Variants in PPP5C observed in about 807,000 individuals in gnomAD.
PPP5C encodes the protein serine/threonine-protein phosphatase 5.
In PPP5C, 21 loss-of-function variants were observed where a neutral mutation model predicts 66.7. The observed-to-expected ratio is 0.31, with a 90% CI of 0.22 to 0.45. The LOEUF is 0.45. PPP5C is among the 20% of genes least tolerant of loss of function. PPP5C has a pLI of 1.00. For synonymous variants in PPP5C, 246 were observed against 257.4 expected (o/e 0.96, Z 0.43); for missense variants, 464 against 675.9 (o/e 0.69, Z 3.48).
At chr19:46,384,984 T>C in intron 7 of PPP5C, 75 bp downstream of exon 7, 2 of 1,167,720 alleles carry the variant, frequency 1.7e-6, no homozygotes, top group East Asian at 4.7e-5. Context: ...AGGATAATAG[T>C]TGCAGCTGTA....
chr19:46,351,078 T>TG (rs1299181250), intron 1 of PPP5C, among the ~76,000 whole-genome samples: 1 of 152,000 alleles, frequency 6.6e-6, no homozygotes, highest in African/African-American at 2.4e-5. Context: ...TTCTGTAAAA[T>TG]GGGGGGTGGG....
chr19:46,362,318 A>G (rs915694134), intron 2 of PPP5C, among the ~76,000 whole-genome samples: 1 of 152,188 alleles, frequency 6.6e-6, no homozygotes, highest in African/African-American at 2.4e-5. Flanking sequence ...TTTCAATGGA[A>G]CAGGACATTT....
chr19:46,369,785 G>A (rs1172786802), intron 2 of PPP5C, among the ~76,000 whole-genome samples: 2 of 151,850 alleles, frequency 1.3e-5, no homozygotes, highest in African/African-American at 4.8e-5. Context: ...AATTAGCCAG[G>A]CGTGGTGGCA....
intron 9 of PPP5C, 42 bp downstream of exon 9, chr19:46,387,495 G>A (rs758809931): frequency 5.0e-6 from 8 of 1,613,868 alleles, no homozygotes; most frequent in Non-Finnish European, 5.9e-6. Context: ...GAAAGGGGCA[G>A]CCTGGGCTGA....
chr19:46,381,069 C>T (rs1972782712), intron 4 of PPP5C, among the ~76,000 whole-genome samples: 1 of 152,054 alleles, frequency 6.6e-6, no homozygotes, highest in Non-Finnish European at 1.5e-5. Flanking sequence ...ACGATTTTTC[C>T]TCTATGTATT....
chr19:46,386,125 A>C (rs537149935), intron 7 of PPP5C, among the ~76,000 whole-genome samples: 4 of 152,270 alleles, frequency 2.6e-5, no homozygotes, highest in African/African-American at 9.6e-5. Flanking sequence ...GGGTGTGGCC[A>C]GGAGCTGAGG....
intron 2 of PPP5C, among the ~76,000 whole-genome samples, chr19:46,366,039 C>G (rs142895383): frequency 5.9e-4 from 90 of 152,232 alleles, no homozygotes; most frequent in African/African-American, 2.1e-3. Flanking sequence ...AAGTCTAGAC[C>G]TCATCTGACA....
chr19:46,349,098 G>A lies in PPP5C; in HGVS notation c.121+1881G>A, dbSNP rs185870682. Among the ~76,000 whole-genome samples, 676 of 152,216 alleles carry A rather than the reference G, an allele frequency of 4.4e-3. 2 individuals carry two copies. The highest frequency in any genetic ancestry group is 7.0e-3 in the Non-Finnish European group (477 of 68,022). ...AAGACGAGAACGTGCACAGGAGTTC[G>A]AGACCAACCTGGCCAACATGGTGAA... On this transcript the variant is annotated intron_variant, in intron 1 of 12. Transcript: ENST00000012443.
Position 46,383,866 on chromosome 19 carries a change from G to C in PPP5C, c.786G>C (p.Glu262Asp), listed in dbSNP as rs1246923687. The C allele has an allele frequency of 6.2e-7, 1 of 1,612,408 alleles. No homozygotes were observed. Among genetic ancestry groups the C allele is most frequent in the South Asian group, 1.1e-5 (1 of 91,050 alleles). ...NIFELNGLPS[E>D]TNPYIFNGDF... ...TCGAGCTCAACGGTTTACCCTCGGA[G>C]ACCAACCCCTATGTATCCTTCTCAG... The change falls in exon 6 of 13, where the codon GAG becomes GAC. Residue 262 changes from glutamate (E) to aspartate (D), a missense_variant. By Grantham distance (45) the Glu-to-Asp change is conservative (BLOSUM62 2). Around this residue, in one of 2 missense-constraint regions of PPP5C, gnomAD observed 387 missense variants for 626.0 expected, o/e 0.62. Transcript: ENST00000012443. The surrounding 1 kb of genome is among the most constrained non-coding windows in gnomAD (Gnocchi z 5.0).
At position 46,388,480 on chromosome 19, in the gene PPP5C, G is replaced by GT. The variant is rs1972931486; in HGVS notation, c.1176+33dup. 6.2e-7 allele frequency: 1 copy of GT among 1,610,500 alleles called. No individual in the cohort carries two copies. Among genetic ancestry groups the GT allele is most frequent in the African/African-American group, 1.3e-5 (1 of 74,882 alleles). On this transcript the variant is annotated intron_variant, in intron 10 of 12. Coordinates refer to ENST00000012443, the MANE Select transcript of PPP5C (RefSeq NM_006247.4). This position sits in a 1 kb window ranked among gnomAD's most constrained non-coding sequence, Gnocchi z 4.9. Reference sequence around the variant, plus strand: ...CTAGGGTGGGGTGCAGGGCCGGCGGGTGTGGGCTGTGGCAGCAGGTGGAGG... The same window carrying GT: ...CTAGGGTGGGGTGCAGGGCCGGCGGGTTGTGGGCTGTGGCAGCAGGTGGAGG...
intron 7 of PPP5C, among the ~76,000 whole-genome samples, chr19:46,385,724 G>C (rs1438356063): frequency 1.3e-5 from 2 of 151,532 alleles, no homozygotes; most frequent in African/African-American, 4.9e-5. Flanking sequence ...ATGTTGCAAT[G>C]AGCCGAGATT....
chr19:46,368,111 A>G (rs1483855847), intron 2 of PPP5C, among the ~76,000 whole-genome samples: 1 of 152,224 alleles, frequency 6.6e-6, no homozygotes, highest in Non-Finnish European at 1.5e-5. Flanking sequence ...AAACAGCAGC[A>G]CATCCCTGGA....
In PPP5C at chr19:46,347,138, C is replaced by T. The variant is rs752059380; in HGVS notation, c.42C>T (p.Pro14=). 8.1e-6 allele frequency: 13 copies of T among 1,605,174 alleles called. No individual in the cohort carries two copies. In the East Asian group the frequency reaches 2.7e-4, roughly 33 times the overall value. ...GCGAGAGGACTGAGTGTGCTGAGCC[C>T]CCCCGGGACGAACCCCCGGCTGATG... The part of the protein sequence containing the change: ...AEGERTECAE[P]PRDEPPADGA... The change falls in exon 1 of 13, where the codon CCC becomes CCT. Residue 14 remains proline (P), a synonymous_variant. Coordinates refer to ENST00000012443, the MANE Select transcript of PPP5C (RefSeq NM_006247.4).
At chr19:46,355,277 C>T (rs986373339) in intron 2 of PPP5C, among the ~76,000 whole-genome samples, 1 of 141,746 alleles carries the variant, frequency 7.1e-6, no homozygotes, top group Admixed American at 7.0e-5. Flanking sequence ...GTTATCCTGC[C>T]CCCCGACACA....
intron 1 of PPP5C, 63 bp downstream of exon 1, chr19:46,347,280 G>C (rs1972099340): frequency 6.6e-7 from 1 of 1,516,476 alleles, no homozygotes; most frequent in Non-Finnish European, 8.8e-7. Flanking sequence ...GGCCCGCGCG[G>C]AACCATAGCA....
chr19:46,369,926 G>GA (rs58057964), intron 2 of PPP5C, among the ~76,000 whole-genome samples: 14 of 144,054 alleles, frequency 9.7e-5, no homozygotes, highest in Middle Eastern at 3.6e-3. Context: ...ACTCCGTCTG[G>GA]AAAAAAAAAA....
chr19:46,390,466 A>G lies in PPP5C; in HGVS notation c.*120A>G. 6.6e-7 allele frequency: 1 copy of G among 1,519,654 alleles called. No individual in the cohort carries two copies. The allele number at this position is 1,519,654 out of a possible 1,614,324, so 94.1% of individuals were successfully genotyped here. ...ATGTTGGACCCCCTTTTACTTTGTA[A>G]AGTTTGTATTTATTCCCCTTTAGGT... On this transcript the variant is annotated 3_prime_UTR_variant, in exon 13 of 13. Coordinates refer to ENST00000012443, the MANE Select transcript of PPP5C (RefSeq NM_006247.4).
Position 46,388,555 on chromosome 19 carries a change from C to T in PPP5C, c.1179C>T (p.Asn393=), listed in dbSNP as rs369752579. 187 of 1,613,844 alleles carry T rather than the reference C, an allele frequency of 1.2e-4. 1 individual carries two copies. The highest frequency in any genetic ancestry group is 6.6e-4 in the Middle Eastern group (4 of 6,058). Residue 393 remains asparagine, a splice_region_variant and synonymous_variant, in exon 11 of 13, where the codon AAC becomes AAT. Coordinates refer to ENST00000012443, the MANE Select transcript of PPP5C (RefSeq NM_006247.4). The surrounding 1 kb of genome is among the most constrained non-coding windows in gnomAD (Gnocchi z 4.9). The part of the protein sequence containing the change: ...DLLWSDPQPQ[N]GRSISKRGVS... ...CTCTCCCTTCTGCCCACCCTCAGAA[C>T]GGGCGCTCGATCAGCAAGCGGGGCG...
Position 46,352,799 on chromosome 19 carries a change from G to T in PPP5C, c.122-949G>T, listed in dbSNP as rs1170678033. 1.9e-4 allele frequency among the ~76,000 whole-genome samples: 28 copies of T among 145,608 alleles called. No individual in the cohort carries two copies. In the South Asian group the frequency reaches 6.1e-3, roughly 32 times the overall value. On this transcript the variant is annotated intron_variant, in intron 1 of 12. Coordinates refer to ENST00000012443, the MANE Select transcript of PPP5C (RefSeq NM_006247.4). ...CGCACCGCTGCACTCCAGCCTGGGC[G>T]ACAGAGCGAGACTCCATCTCAAAAA...
Sources: allele counts gnomAD v4.1 joint callset (sites outside exome capture counted in the v4.1 genomes callset), GRCh38; gene constraint gnomAD v4.1.1; regional missense constraint gnomAD v4.1.1; non-coding constraint Gnocchi (gnomAD v3.1); transcripts MANE v1.5; gene names NCBI Gene and HGNC (gene_info 2026-07-23, HGNC 2026-07-21).